FER1L6: variants seen among roughly 807,000 people sequenced by gnomAD.
FER1L6 encodes fer-1 like family member 6.
Under a neutral mutation model 219.2 loss-of-function variants are expected in FER1L6, and 177 were observed. That is an observed-to-expected ratio of 0.81 (90% CI 0.71 to 0.91). FER1L6 has a LOEUF of 0.91. Ranked by LOEUF, FER1L6 falls within the 40% of genes least tolerant of loss-of-function variation. The probability of loss-of-function intolerance (pLI) is 0.00; values close to 1 mark genes in which losing one functional copy is unlikely to be tolerated. For synonymous variants in FER1L6, 768 were observed against 824.3 expected (o/e 0.93, Z 1.17); for missense variants, 2,153 against 2,259.9 (o/e 0.95, Z 0.96).
chr8:123,928,264 C>A (rs1813640811), intron 1 of FER1L6, among the ~76,000 whole-genome samples: 1 of 151,980 alleles, frequency 6.6e-6, no homozygotes, highest in African/African-American at 2.4e-5. Flanking sequence ...GTAGAATGGA[C>A]CTTTGTTTTT....
chr8:123,935,046 C>G (rs1334646193), intron 1 of FER1L6, among the ~76,000 whole-genome samples: 3 of 152,132 alleles, frequency 2.0e-5, no homozygotes, highest in Admixed American at 1.3e-4. Flanking sequence ...TCAGGTAGTT[C>G]TTTATAGAAA....
At position 124,103,300 on chromosome 8, in the gene FER1L6, A is replaced by C; in HGVS notation, c.5280A>C (p.Lys1760Asn). The C allele has an allele frequency of 6.2e-7, 1 of 1,613,970 alleles. No individual in the cohort carries two copies. The change falls in exon 39 of 41, where the codon AAA becomes AAC. Residue 1760 changes from lysine to asparagine, a missense_variant. Physicochemically the swap from Lys to Asn is moderately conservative, Grantham distance 94. Transcript: ENST00000522917. ...GCTGGTGGCCTTTTTCTAAAAGCAA[A>C]GAACTCACAGTAAGTGACAGCTATG... ...VRGWWPFSKS[K>N]ELTGKVEAEF...
intron 11 of FER1L6, chr8:123,984,223 G>T (rs1432925829): frequency 6.6e-6 from 1 of 152,136 alleles, no homozygotes; most frequent in African/African-American, 2.4e-5. Context: ...GCCCAATGAT[G>T]GTGGTTATTT....
chr8:124,093,912 G>T (rs1307020817), intron 34 of FER1L6, among the ~76,000 whole-genome samples: 1 of 138,526 alleles, frequency 7.2e-6, no homozygotes, highest in African/African-American at 2.6e-5. Context: ...TGTAAAATGG[G>T]GCACTGTGGC....
At chr8:124,106,188 G>A (rs1260233538) in intron 39 of FER1L6, among the ~76,000 whole-genome samples, 1 of 151,950 alleles carries the variant, frequency 6.6e-6, no homozygotes, top group African/African-American at 2.4e-5. Context: ...AATTAGCTGG[G>A]CGTGGTGGCG....
chr8:124,085,749 G>A (rs540719478), intron 33 of FER1L6, among the ~76,000 whole-genome samples: 1 of 152,064 alleles, frequency 6.6e-6, no homozygotes, highest in Non-Finnish European at 1.5e-5. Flanking sequence ...TTGGTCTATA[G>A]GGTCGATTAT....
chr8:124,060,967 C>T (rs1026153707), intron 24 of FER1L6, among the ~76,000 whole-genome samples: 2 of 152,176 alleles, frequency 1.3e-5, no homozygotes, highest in African/African-American at 4.8e-5. Context: ...CCCAATTCAT[C>T]AGCATCAGCA....
In FER1L6 at chr8:123,966,293, A is replaced by C. The variant is rs1815537231; in HGVS notation, c.384+3A>C. 1 of 1,613,962 alleles carries C rather than the reference A, an allele frequency of 6.2e-7. No homozygotes were observed. The highest frequency in any genetic ancestry group is 1.3e-5 in the African/African-American group (1 of 74,918). On this transcript the variant is annotated splice_donor_region_variant and intron_variant, in intron 5 of 40. Coordinates refer to ENST00000522917, the MANE Select transcript of FER1L6 (RefSeq NM_001039112.2). ...CCAACAGCCCATTTTATAATGAAGT[A>C]AGTCATGGAGGTCACCCACAGCTTT...
chr8:123,897,558 C>G (rs77513649), intron 1 of FER1L6, among the ~76,000 whole-genome samples: 2 of 152,082 alleles, frequency 1.3e-5, no homozygotes, highest in African/African-American at 4.8e-5. Flanking sequence ...AACATAATTA[C>G]GTACAGAAAT....
rs555140613 is a variant in FER1L6, at chr8:123,856,327, T to C, written c.-8+4142T>C. 8.0e-5 allele frequency among the ~76,000 whole-genome samples: 10 copies of C among 125,450 alleles called. 1 individual carries two copies. The East Asian group carries it at 1.5e-3, about 19-fold the overall frequency. 82.3% of individuals were successfully genotyped at this position (125,450 alleles called of 152,430 possible). A position where few individuals can be genotyped will look rare whatever the true frequency, so the allele number is the denominator to read the frequency against. On this transcript the variant is annotated intron_variant, in intron 1 of 40. Transcript: ENST00000522917. ...ATATATATGTATGTGTATATATATA[T>C]ATATATATATATATATATATATTAG...
intron 1 of FER1L6, among the ~76,000 whole-genome samples, chr8:123,855,769 T>C (rs1816626272): frequency 7.3e-6 from 1 of 137,460 alleles, no homozygotes; most frequent in Non-Finnish European, 1.5e-5. Flanking sequence ...TATGTGTGTG[T>C]ATATATATGT....
chr8:123,867,069 T>G (rs932323319), intron 1 of FER1L6, among the ~76,000 whole-genome samples: 17 of 152,248 alleles, frequency 1.1e-4, no homozygotes, highest in Non-Finnish European at 2.2e-4. Flanking sequence ...TTTATTTTGA[T>G]GCAATCTCAT....
At chr8:123,897,609 C>T (rs185805644) in intron 1 of FER1L6, among the ~76,000 whole-genome samples, 1 of 152,302 alleles carries the variant, frequency 6.6e-6, no homozygotes, top group East Asian at 1.9e-4. Context: ...AAAGATGGCA[C>T]AACTTCAAGG....
intron 18 of FER1L6, among the ~76,000 whole-genome samples, chr8:124,030,933 G>A (rs1397217408): frequency 6.6e-6 from 1 of 152,120 alleles, no homozygotes; most frequent in Non-Finnish European, 1.5e-5. Flanking sequence ...GGTGGGGAAG[G>A]CACAGGGGAG....
chr8:123,964,159 A>C (rs144900742), intron 3 of FER1L6, among the ~76,000 whole-genome samples: 42 of 152,302 alleles, frequency 2.8e-4, no homozygotes, highest in African/African-American at 1.0e-3. Flanking sequence ...TAGGCTTTGA[A>C]CTGGCAAAAG....
At chr8:123,920,779 C>T (rs1008918728) in intron 1 of FER1L6, among the ~76,000 whole-genome samples, 1 of 152,136 alleles carries the variant, frequency 6.6e-6, no homozygotes, top group African/African-American at 2.4e-5. Context: ...GTACAATAGA[C>T]CTCTGAAACT....
chr8:123,932,262 C>T (rs1300226401), intron 1 of FER1L6, among the ~76,000 whole-genome samples: 1 of 152,084 alleles, frequency 6.6e-6, no homozygotes, highest in Non-Finnish European at 1.5e-5. Context: ...GTGCACACCA[C>T]CACACCCAGC....
intron 33 of FER1L6, among the ~76,000 whole-genome samples, chr8:124,085,548 T>C (rs1821745586): frequency 6.6e-6 from 1 of 150,968 alleles, no homozygotes; most frequent in Non-Finnish European, 1.5e-5. Flanking sequence ...TCTCTTGTTA[T>C]CGATTTTGAG....
At chr8:123,977,385 C>A (rs1308826703) in intron 9 of FER1L6, 32 bp from the exon 10 acceptor site, 2 of 1,595,146 alleles carry the variant, frequency 1.3e-6, no homozygotes, top group Non-Finnish European at 1.7e-6. Context: ...CAGTCCCTTC[C>A]ATGACTCATG....
Sources: gnomAD v4.1 joint callset for allele counts (sites outside exome capture counted in the v4.1 genomes callset) on GRCh38, gnomAD v4.1.1 for gene constraint, MANE v1.5 for transcripts, NCBI Gene and HGNC (gene_info 2026-07-23, HGNC 2026-07-21) for gene names.